Variants in LRRK2 observed in about 807,000 individuals in gnomAD.
LRRK2 encodes leucine rich repeat kinase 2.
In LRRK2, 203 loss-of-function variants were observed where a neutral mutation model predicts 302.6. The observed-to-expected ratio is 0.67, with a 90% confidence interval of 0.60 to 0.75. The LOEUF is 0.75. Among genes scored for constraint, LRRK2 ranks in the 30% least tolerant of loss-of-function variants. The pLI is 0.00. For synonymous variants in LRRK2, 1,066 were observed against 1,031.9 expected, an observed-to-expected ratio of 1.03 and a Z score of -0.63; for missense variants, 2,830 against 2,951.0, an observed-to-expected ratio of 0.96 and a Z score of 0.95.
Position 40,343,596 on chromosome 12 carries a change from T to C in LRRK2, c.6109+3142T>C, listed in dbSNP as rs185473964. On this transcript the variant is annotated intron_variant, in intron 41 of 50. Coordinates refer to ENST00000298910, the MANE Select transcript of LRRK2 (RefSeq NM_198578.4). Reference sequence around the variant, plus strand: ...TTATCCTTCATCCGTGGATCTTTTCTTTATTTACTTATTGCGTTTGTTAAA... The same window carrying C: ...TTATCCTTCATCCGTGGATCTTTTCCTTATTTACTTATTGCGTTTGTTAAA... Among the ~76,000 whole-genome samples, 7 of 152,360 alleles carry C rather than the reference T, an allele frequency of 4.6e-5. No individual in the cohort carries two copies. The East Asian group carries it at 1.3e-3, about 29-fold the overall frequency.
intron 22 of LRRK2, 144 bp from the exon 23 acceptor site, chr12:40,295,283 A>G: frequency 1.4e-6 from 1 of 713,188 alleles, no homozygotes; most frequent in Admixed American, 2.3e-5. Flanking sequence ...TGCCACTGGA[A>G]TGTAAACTCC....
At chr12:40,355,290 G>A (rs1946491634) in intron 45 of LRRK2, among the ~76,000 whole-genome samples, 1 of 152,120 alleles carries the variant, frequency 6.6e-6, no homozygotes, top group South Asian at 2.1e-4. Context: ...TCACAGCAGG[G>A]GAGAGAGATC....
At chr12:40,257,458 A>C in intron 12 of LRRK2, 81 bp downstream of exon 12, 1 of 1,519,008 alleles carries the variant, frequency 6.6e-7, no homozygotes, top group East Asian at 2.3e-5. Flanking sequence ...TATTTCTAAC[A>C]ATGAAAAGAA....
In LRRK2 at chr12:40,299,135, C is replaced by G. The variant is rs750817122; in HGVS notation, c.3374C>G (p.Pro1125Arg). 2 of 1,612,970 alleles carry G rather than the reference C, an allele frequency of 1.2e-6. No individual in the cohort carries two copies. The highest frequency in any genetic ancestry group is 2.2e-5 in the South Asian group (2 of 91,048). Reference protein sequence around the residue: ...EGNKISGICSPLRLKELKILN... With the variant: ...EGNKISGICSRLRLKELKILN... ...AATAAAATATCAGGGATATGCTCCC[C>G]CTTGAGACTGAAGGAACTGAAGATT... Residue 1125 changes from proline (P) to arginine (R), a missense_variant, in exon 25 of 51, where the codon CCC (proline) becomes CGC (arginine). Physicochemically the swap from Pro to Arg is moderately radical, Grantham distance 103. Coordinates refer to ENST00000298910, the MANE Select transcript of LRRK2 (RefSeq NM_198578.4).
chr12:40,294,115 TTCATCTATCTATCTA>T (rs1944275396), intron 21 of LRRK2, among the ~76,000 whole-genome samples: 1 of 145,140 alleles, frequency 6.9e-6, no homozygotes, highest in East Asian at 2.0e-4. Context: ...TAATTCATTG[TTCATCTATCTATCTA>T]TCATCTATCT....
intron 2 of LRRK2, among the ~76,000 whole-genome samples, chr12:40,228,432 A>AAT (rs1592129669): frequency 9.3e-5 from 2 of 21,494 alleles, no homozygotes; most frequent in African/African-American, 1.7e-4. Flanking sequence ...TAAAAATAAG[A>AAT]CTTTTTTTTT....
chr12:40,287,188 G>C (rs1943960243), intron 19 of LRRK2, among the ~76,000 whole-genome samples, 163 bp from the exon 20 acceptor site: 3 of 151,900 alleles, frequency 2.0e-5, no homozygotes, highest in African/African-American at 7.2e-5. Context: ...TATATGATCT[G>C]CCACCTGTTA....
At chr12:40,309,077 A>T in intron 29 of LRRK2, 29 bp from the exon 30 acceptor site, 1 of 1,610,124 alleles carries the variant, frequency 6.2e-7, no homozygotes, top group Non-Finnish European at 8.5e-7. Flanking sequence ...TTGAAAGATT[A>T]AAAAAATTTG....
At chr12:40,285,602 T>G (rs1035927460) in intron 19 of LRRK2, among the ~76,000 whole-genome samples, 4 of 152,018 alleles carry the variant, frequency 2.6e-5, no homozygotes, top group African/African-American at 9.7e-5. Flanking sequence ...ACAGACATTC[T>G]CAATGTGCAC....
At chr12:40,274,803 T>A (rs754540793) in intron 15 of LRRK2, 51 bp from the exon 16 acceptor site, 1 of 1,609,792 alleles carries the variant, frequency 6.2e-7, no homozygotes, top group Non-Finnish European at 8.5e-7. Context: ...TCTTTAAATA[T>A]TTTTCTTCAG....
chr12:40,299,931 T>TA (rs1254463676), intron 25 of LRRK2, among the ~76,000 whole-genome samples: 2 of 152,102 alleles, frequency 1.3e-5, no homozygotes, highest in African/African-American at 4.8e-5. Flanking sequence ...GTCTATAATT[T>TA]AAAAAAATTA....
At chr12:40,309,295 T>G in intron 30 of LRRK2, 62 bp downstream of exon 30, 1 of 1,572,898 alleles carries the variant, frequency 6.4e-7, no homozygotes, top group Non-Finnish European at 8.7e-7. Context: ...CGTGTGTGTG[T>G]GTGTGTGTAA....
At chr12:40,296,621 G>A (rs1944394774) in intron 23 of LRRK2, among the ~76,000 whole-genome samples, 1 of 150,986 alleles carries the variant, frequency 6.6e-6, no homozygotes, top group African/African-American at 2.4e-5. Flanking sequence ...AACAGAGTGA[G>A]ACCCTGTCTC....
chr12:40,359,013 G>A (rs1278371995), intron 46 of LRRK2, among the ~76,000 whole-genome samples: 1 of 64,010 alleles, frequency 1.6e-5, no homozygotes, highest in Non-Finnish European at 4.8e-5. Flanking sequence ...TGATTTTTCA[G>A]CTACTTTGTT....
intron 43 of LRRK2, 89 bp from the exon 44 acceptor site, chr12:40,351,450 G>A (rs1946347914): frequency 6.2e-6 from 8 of 1,282,976 alleles, no homozygotes; most frequent in Non-Finnish European, 8.9e-6. Flanking sequence ...TTGCTTGACA[G>A]AGCTATAACA....
At chr12:40,247,297 C>T (rs954109330) in intron 7 of LRRK2, among the ~76,000 whole-genome samples, 12 of 151,652 alleles carry the variant, frequency 7.9e-5, no homozygotes, top group Non-Finnish European at 1.8e-4. Flanking sequence ...TTTGTTATTT[C>T]TTTCCTTGAC....
rs1294905562 is a variant in LRRK2, at chr12:40,305,786, T to G, written c.3779T>G (p.Ile1260Ser). 1.5e-5 allele frequency: 24 copies of G among 1,613,274 alleles called. No individual in the cohort carries two copies. The Admixed American group carries it at 4.0e-4, about 27-fold the overall frequency. The stretch of plus-strand genomic sequence containing the variant: ...TTTGCCCTTTTTTTTCCCATTAAGA[T>G]TCCTCCTGAGATTGGCTGTCTTGAA... ...LHLSHNKLKE[I>S]PPEIGCLENL... Residue 1260 changes from isoleucine to serine, a missense_variant and splice_region_variant, in exon 28 of 51, where the codon ATT (isoleucine) becomes AGT (serine). This residue lies in a region of LRRK2 where 2,121 missense variants were observed against 2,148.0 expected (regional missense o/e 0.99). Transcript: ENST00000298910.
chr12:40,334,953 T>C lies in LRRK2; in HGVS notation c.5758-14T>C, dbSNP rs1172983872. On this transcript the variant is annotated splice_polypyrimidine_tract_variant and intron_variant, in intron 39 of 50. Transcript: ENST00000298910. The stretch of plus-strand genomic sequence containing the variant: ...GATGTTGAATTACTCTTACATGATT[T>C]TGGACTTTTGCAGGAGCTTGTGGTG... 8 of 1,613,552 alleles carry C rather than the reference T, an allele frequency of 5.0e-6. No individual in the cohort carries two copies. The highest frequency in any genetic ancestry group is 6.8e-6 in the Non-Finnish European group (8 of 1,179,934).
At chr12:40,334,820 A>T in intron 39 of LRRK2, 147 bp from the exon 40 acceptor site, 4 of 956,958 alleles carry the variant, frequency 4.2e-6, no homozygotes, top group Non-Finnish European at 6.4e-6. Context: ...AATACGGGAA[A>T]AAAAACTCAG....
Sources: gnomAD v4.1 joint callset for allele counts (sites outside exome capture counted in the v4.1 genomes callset) on GRCh38, gnomAD v4.1.1 for gene constraint, gnomAD v4.1.1 regional missense constraint, MANE v1.5 for transcripts, NCBI Gene and HGNC (gene_info 2026-07-23, HGNC 2026-07-21) for gene names.